The following BCAS3 variants were observed in gnomAD, a reference collection of about 807,000 sequenced individuals.
BCAS3 encodes the protein BCAS4/BCAS3 fusion.
BCAS3 carries 53 observed loss-of-function variants against 116.1 expected under a neutral mutation model. The observed-to-expected ratio is 0.46, with a 90% confidence interval of 0.37 to 0.57. BCAS3 has a LOEUF of 0.57. Among genes scored for constraint, BCAS3 ranks in the 20% least tolerant of loss-of-function variants. The probability of loss-of-function intolerance (pLI) is 0.00; values close to 1 mark genes in which losing one functional copy is unlikely to be tolerated. For synonymous variants in BCAS3, 391 were observed against 408.2 expected, an observed-to-expected ratio of 0.96 and a Z score of 0.51; for missense variants, 917 against 1,165.4, an observed-to-expected ratio of 0.79 and a Z score of 3.10.
chr17:60,760,412 TG>T (rs2043410276), intron 6 of BCAS3, among the ~76,000 whole-genome samples: 1 of 128,484 alleles, frequency 7.8e-6, no homozygotes, highest in Admixed American at 6.8e-5. Flanking sequence ...CCCCAGCTTT[TG>T]TTATCTTGGA....
At chr17:61,290,428 T>G (rs1162273240) in intron 22 of BCAS3, among the ~76,000 whole-genome samples, 1 of 152,238 alleles carries the variant, frequency 6.6e-6, no homozygotes, top group Non-Finnish European at 1.5e-5. Flanking sequence ...CCATTCTCTC[T>G]GCTTATATAT....
rs563908720 is a variant in BCAS3 at position 60,704,864 on chromosome 17, T to C, written c.215-4355T>C. On this transcript the variant is annotated intron_variant, in intron 4 of 23. Transcript: ENST00000407086. ...AAAAAAAAAAAAAGTTTTATTGATA[T>C]TGCACAGTGCCCATGGCCACCAGAA... 2.0e-5 allele frequency among the ~76,000 whole-genome samples: 3 copies of C among 151,862 alleles called. No homozygotes were observed. In the South Asian group the frequency reaches 6.2e-4, roughly 32 times the overall value.
chr17:61,372,562 G>A (rs2059106529), intron 23 of BCAS3, among the ~76,000 whole-genome samples: 1 of 151,882 alleles, frequency 6.6e-6, no homozygotes, highest in African/African-American at 2.4e-5. Context: ...TCCTTCTCTC[G>A]AGTTTCCCCA....
At position 60,967,300 on chromosome 17, in the gene BCAS3, T is replaced by G. The variant is rs1199493189; in HGVS notation, c.1221+19948T>G. On this transcript the variant is annotated intron_variant, in intron 14 of 23. Coordinates refer to ENST00000407086, the MANE Select transcript of BCAS3 (RefSeq NM_017679.5). The surrounding 1 kb of genome is among the most constrained non-coding windows in gnomAD (Gnocchi z 4.7). ...TTATTTCCCCTTCATATTTCAAGTATAATTTTGCTGAATGCAATATTCTTG... is the reference window on the plus strand; with the variant it reads ...TTATTTCCCCTTCATATTTCAAGTAGAATTTTGCTGAATGCAATATTCTTG... Among the ~76,000 whole-genome samples the G allele has an allele frequency of 6.6e-6, 1 of 152,222 alleles. No homozygotes were observed. Among genetic ancestry groups the G allele is most frequent in the East Asian group, 1.9e-4 (1 of 5,190 alleles).
At position 61,346,169 on chromosome 17, in the gene BCAS3, A is replaced by T. The variant is rs2057493775; in HGVS notation, c.2426-22158A>T. On this transcript the variant is annotated intron_variant, in intron 22 of 23. Coordinates refer to ENST00000407086, the MANE Select transcript of BCAS3 (RefSeq NM_017679.5). This position sits in a 1 kb window ranked among gnomAD's most constrained non-coding sequence, Gnocchi z 5.4. Reference sequence around the variant, plus strand: ...CTTAGAAGGCCTGCAGAGTCCAGTGACAAGGATGTTTGGGACAGATTTTGT... The same window carrying T: ...CTTAGAAGGCCTGCAGAGTCCAGTGTCAAGGATGTTTGGGACAGATTTTGT... 6.6e-6 allele frequency among the ~76,000 whole-genome samples: 1 copy of T among 152,194 alleles called. No homozygotes were observed.
At chr17:60,900,494 C>G (rs2057814460) in intron 10 of BCAS3, among the ~76,000 whole-genome samples, 1 of 152,200 alleles carries the variant, frequency 6.6e-6, no homozygotes, top group Non-Finnish European at 1.5e-5. Flanking sequence ...GGCTACTTGT[C>G]TTCCTTCTCC....
intron 13 of BCAS3, among the ~76,000 whole-genome samples, chr17:60,934,676 A>C (rs1281895517): frequency 6.6e-6 from 1 of 152,182 alleles, no homozygotes; most frequent in Non-Finnish European, 1.5e-5. Flanking sequence ...ATTCTTATTC[A>C]GATTGGCCTG....
intron 22 of BCAS3, among the ~76,000 whole-genome samples, chr17:61,267,614 G>GC (rs2049848705): frequency 1.4e-5 from 2 of 146,160 alleles, no homozygotes; most frequent in Admixed American, 1.4e-4. Context: ...ATGTGTGCCT[G>GC]TAATCCTCCT....
At position 60,946,188 on chromosome 17, in the gene BCAS3, A is replaced by G. The variant is rs186617795; in HGVS notation, c.1088-1031A>G. On this transcript the variant is annotated intron_variant, in intron 13 of 23. Coordinates refer to ENST00000407086, the MANE Select transcript of BCAS3 (RefSeq NM_017679.5). ...TTGACAATGTTACTTCAATGGAGAAAAAACAGTGTCTTCAAGAAGTCTTTC... is the reference window on the plus strand; with the variant it reads ...TTGACAATGTTACTTCAATGGAGAAGAAACAGTGTCTTCAAGAAGTCTTTC... Among the ~76,000 whole-genome samples the G allele has an allele frequency of 1.8e-4, 28 of 152,326 alleles. 1 individual carries two copies. Among genetic ancestry groups the G allele is most frequent in the Admixed American group, 5.2e-4 (8 of 15,298 alleles).
intron 12 of BCAS3, among the ~76,000 whole-genome samples, chr17:60,920,701 T>G (rs974436209): frequency 7.2e-5 from 11 of 152,018 alleles, no homozygotes; most frequent in African/African-American, 2.4e-4. Flanking sequence ...AAATCCCGTC[T>G]CTACTAAAAA....
chr17:60,916,815 C>T (rs2058801988), intron 12 of BCAS3, among the ~76,000 whole-genome samples: 1 of 152,006 alleles, frequency 6.6e-6, no homozygotes, highest in Non-Finnish European at 1.5e-5. Flanking sequence ...GATAAGGTAC[C>T]AGTATTCACA....
At chr17:61,067,742 T>A (rs12602848) in intron 19 of BCAS3, among the ~76,000 whole-genome samples, 24,111 of 131,626 alleles carry the variant, frequency 0.18, 2,096 homozygotes, top group Admixed American at 0.2. Flanking sequence ...AAAAAAAAAA[T>A]ATATATATAT....
At chr17:61,165,256 G>A (rs1296304189) in intron 22 of BCAS3, among the ~76,000 whole-genome samples, 1 of 152,166 alleles carries the variant, frequency 6.6e-6, no homozygotes, top group Non-Finnish European at 1.5e-5. Context: ...GAATTAGAAT[G>A]AACTCACCAA....
intron 7 of BCAS3, among the ~76,000 whole-genome samples, chr17:60,830,001 A>G (rs2050772067): frequency 1.3e-5 from 2 of 151,890 alleles, no homozygotes; most frequent in Non-Finnish European, 2.9e-5. Context: ...GTATTTATTT[A>G]TTTATTTTGA....
intron 22 of BCAS3, among the ~76,000 whole-genome samples, chr17:61,117,647 A>G (rs1472617452): frequency 6.6e-6 from 1 of 152,142 alleles, no homozygotes; most frequent in African/African-American, 2.4e-5. Context: ...TCTTTTTTAT[A>G]TCTTTTACTT....
At chr17:60,862,050 G>A (rs1187138100) in intron 7 of BCAS3, among the ~76,000 whole-genome samples, 1 of 152,198 alleles carries the variant, frequency 6.6e-6, no homozygotes, top group African/African-American at 2.4e-5. Flanking sequence ...TCGGGAGGCC[G>A]AGGAGGGCGG....
At chr17:60,699,875 A>T (rs1198138767) in intron 4 of BCAS3, among the ~76,000 whole-genome samples, 1 of 151,776 alleles carries the variant, frequency 6.6e-6, no homozygotes, top group Non-Finnish European at 1.5e-5. Context: ...AAAAAAAAAA[A>T]AAAAAAGAGC....
At position 61,199,730 on chromosome 17, in the gene BCAS3, A is replaced by G. The variant is rs745924195; in HGVS notation, c.2425+115166A>G. Among the ~76,000 whole-genome samples the G allele has an allele frequency of 2.6e-5, 4 of 151,922 alleles. No homozygotes were observed. Among genetic ancestry groups the G allele is most frequent in the Non-Finnish European group, 5.9e-5 (4 of 68,018 alleles). On this transcript the variant is annotated intron_variant, in intron 22 of 23. Transcript: ENST00000407086. This position sits in a 1 kb window ranked among gnomAD's most constrained non-coding sequence, Gnocchi z 4.6. ...ACAGCTTAATTTTGATAGGATCCCT[A>G]TGATCTTTGTAAGCGTATTCATGCC...
At chr17:60,927,386 G>C (rs567067989) in intron 13 of BCAS3, among the ~76,000 whole-genome samples, 2 of 152,144 alleles carry the variant, frequency 1.3e-5, no homozygotes, top group South Asian at 4.1e-4. Context: ...CTGCCAAGTA[G>C]CTGGGACTAC....
Sources: gnomAD v4.1 joint callset for allele counts (sites outside exome capture counted in the v4.1 genomes callset) on GRCh38, gnomAD v4.1.1 for gene constraint, Gnocchi (gnomAD v3.1) non-coding constraint, MANE v1.5 for transcripts, NCBI Gene and HGNC (gene_info 2026-07-23, HGNC 2026-07-21) for gene names.